The following ZNF679 variants were observed in gnomAD, a reference collection of about 807,000 sequenced individuals.
ZNF679 encodes the protein hypothetical protein MGC42415.
A neutral mutation model predicts 13.4 loss-of-function variants in ZNF679; 10 were observed. That is an observed-to-expected ratio of 0.75 (90% CI 0.46 to 1.27). The LOEUF is 1.27. Among genes scored for constraint, ZNF679 ranks in the 50% most tolerant of loss-of-function variants. The pLI is 0.00. For missense variants in ZNF679, 525 were observed against 477.8 expected, an observed-to-expected ratio of 1.10 and a Z score of -0.92; for synonymous variants, 179 against 162.5, an observed-to-expected ratio of 1.10 and a Z score of -0.77.
chr7:64,238,286 C>A (rs925478486), intron 1 of ZNF679, among the ~76,000 whole-genome samples: 1 of 152,112 alleles, frequency 6.6e-6, no homozygotes, highest in Admixed American at 6.5e-5. Context: ...CCCTCCTCTC[C>A]CACCTTCTTT....
intron 2 of ZNF679, among the ~76,000 whole-genome samples, chr7:64,258,070 G>A (rs1244263368): frequency 2.0e-5 from 3 of 152,258 alleles, no homozygotes; most frequent in South Asian, 4.1e-4. Flanking sequence ...GGTCAGTGCG[G>A]TTCGTGCTCC....
At chr7:64,260,021 A>G (rs540457905) in intron 2 of ZNF679, among the ~76,000 whole-genome samples, 200 bp from the exon 3 acceptor site, 2 of 152,312 alleles carry the variant, frequency 1.3e-5, no homozygotes, top group East Asian at 1.9e-4. Flanking sequence ...GAAAAGTATC[A>G]TATCTACAGT....
rs150296654 is a variant in ZNF679, at chr7:64,238,340, C to T, written c.-91+9688C>T. ...CCATATGAATGACAGCCCTTTTCAG[C>T]CTAACTTTGAGACGTATGTAGCTAT... On this transcript the variant is annotated intron_variant, in intron 1 of 4. Coordinates refer to ENST00000421025, the MANE Select transcript of ZNF679 (RefSeq NM_153363.3). Among the ~76,000 whole-genome samples, 632 of 152,232 alleles carry T rather than the reference C, an allele frequency of 4.2e-3. 7 individuals carry two copies. The highest frequency in any genetic ancestry group is 0.014 in the African/African-American group (592 of 41,520).
intron 4 of ZNF679, among the ~76,000 whole-genome samples, chr7:64,262,888 T>G (rs148758419): frequency 0.017 from 2,598 of 152,324 alleles, 46 homozygotes; most frequent in Middle Eastern, 0.041. Context: ...GTGGGTTATA[T>G]TGACATCTTA....
At chr7:64,264,594 G>A (rs1788120236) in intron 4 of ZNF679, among the ~76,000 whole-genome samples, 2 of 151,876 alleles carry the variant, frequency 1.3e-5, no homozygotes, top group African/African-American at 4.8e-5. Context: ...GTTTATTCTG[G>A]AAGATCTTTA....
chr7:64,266,807 T>C lies in ZNF679; in HGVS notation c.1174T>C (p.Ser392Pro), dbSNP rs772902246. The C allele has an allele frequency of 1.9e-6, 3 of 1,604,454 alleles. No individual in the cohort carries two copies. In the Admixed American group the frequency reaches 5.1e-5, roughly 27 times the overall value. The change falls in exon 5 of 5, where the codon TCC (serine) becomes CCC (proline). Residue 392 changes from serine (S) to proline (P), a missense_variant. Coordinates refer to ENST00000421025, the MANE Select transcript of ZNF679 (RefSeq NM_153363.3). ...AGAATGTGACAAAGCTTTTAAGTGG[T>C]CCTCAAGTCTTGCTAATCATAAGAG... ...CEECDKAFKW[S>P]SSLANHKSMH...
intron 3 of ZNF679, 56 bp downstream of exon 3, chr7:64,260,403 A>G (rs1788060225): frequency 1.3e-6 from 2 of 1,545,110 alleles, no homozygotes; most frequent in South Asian, 2.5e-5. Flanking sequence ...TCTTTTCTAA[A>G]ATGTTTTTTG....
chr7:64,262,275 T>G (rs1788087293), intron 4 of ZNF679, among the ~76,000 whole-genome samples: 1 of 152,240 alleles, frequency 6.6e-6, no homozygotes, highest in South Asian at 2.1e-4. Context: ...ACCCATTTCT[T>G]GGGTGGCACT....
At chr7:64,252,179 C>A (rs1452515337) in intron 2 of ZNF679, among the ~76,000 whole-genome samples, 1 of 152,124 alleles carries the variant, frequency 6.6e-6, no homozygotes, top group Non-Finnish European at 1.5e-5. Context: ...GCAGGATGCA[C>A]GTGGGAGACT....
At chr7:64,236,712 G>A (rs527778215) in intron 1 of ZNF679, among the ~76,000 whole-genome samples, 1 of 151,730 alleles carries the variant, frequency 6.6e-6, no homozygotes, top group South Asian at 2.1e-4. Context: ...AACTCAGGAG[G>A]CAGAGGTTGC....
At chr7:64,249,876 C>A (rs1787921776) in intron 2 of ZNF679, among the ~76,000 whole-genome samples, 1 of 152,100 alleles carries the variant, frequency 6.6e-6, no homozygotes, top group South Asian at 2.1e-4. Flanking sequence ...GAGTCTTGCT[C>A]TGTTGTCCTT....
rs976264402 is a variant in ZNF679 at position 64,266,713 on chromosome 7, C to T, written c.1080C>T (p.Ala360=). 1 of 1,612,564 alleles carries T rather than the reference C, an allele frequency of 6.2e-7. No homozygotes were observed. Among genetic ancestry groups the T allele is most frequent in the Non-Finnish European group, 8.5e-7 (1 of 1,179,386 alleles). ...ACAAATGTAAAGAATGTGGGAAAGC[C>T]TTTGCCTTCTCCTCAACTCTTAATA... The part of the protein sequence containing the change: ...KPYKCKECGK[A]FAFSSTLNTH... The change falls in exon 5 of 5, where the codon GCC becomes GCT. Residue 360 remains alanine (A), a synonymous_variant. Transcript: ENST00000421025.
chr7:64,232,303 T>C (rs973832307), intron 1 of ZNF679, among the ~76,000 whole-genome samples: 1 of 152,230 alleles, frequency 6.6e-6, no homozygotes, highest in Non-Finnish European at 1.5e-5. Context: ...TGTTACAACA[T>C]CTTTGTACCA....
At chr7:64,239,171 G>A (rs1457602130) in intron 1 of ZNF679, among the ~76,000 whole-genome samples, 1 of 152,116 alleles carries the variant, frequency 6.6e-6, no homozygotes, top group Admixed American at 6.5e-5. Context: ...CAAACCCAGG[G>A]GCAGTTAAGA....
chr7:64,232,468 G>A (rs1787652884), intron 1 of ZNF679, among the ~76,000 whole-genome samples: 1 of 152,180 alleles, frequency 6.6e-6, no homozygotes, highest in African/African-American at 2.4e-5. Context: ...CATCATGCCT[G>A]TGAGCTGGGC....
At position 64,266,660 on chromosome 7, in the gene ZNF679, A is replaced by C. The variant is rs1367859115; in HGVS notation, c.1027A>C (p.Lys343Gln). ...CTGCTCCTCAACCCTTAAGAAACAT[A>C]AGATAATTCATACTGGAGAGAAACC... Reference protein sequence around the residue: ...FNCSSTLKKHKIIHTGEKPYK... With the variant: ...FNCSSTLKKHQIIHTGEKPYK... The change falls in exon 5 of 5, where the codon AAG (lysine) becomes CAG (glutamine). Residue 343 changes from lysine to glutamine, a missense_variant. Transcript: ENST00000421025. 3 of 1,613,776 alleles carry C rather than the reference A, an allele frequency of 1.9e-6. No individual in the cohort carries two copies. Among genetic ancestry groups the C allele is most frequent in the Non-Finnish European group, 1.7e-6 (2 of 1,179,864 alleles).
intron 2 of ZNF679, among the ~76,000 whole-genome samples, chr7:64,258,594 A>T (rs1788035667): frequency 6.6e-6 from 1 of 151,288 alleles, no homozygotes; most frequent in South Asian, 2.1e-4. Context: ...TGAGCTACTG[A>T]GGAGGCTGAG....
Position 64,266,589 on chromosome 7 carries a change from C to T in ZNF679, c.956C>T (p.Thr319Ile). The part of the protein sequence containing the change: ...SSLTYHKRIH[T>I]GEKPYTCEEC... ...CTCACTTACCACAAGAGAATTCATA[C>T]TGGAGAGAAACCCTACACATGTGAA... Residue 319 changes from threonine to isoleucine, a missense_variant, in exon 5 of 5, where the codon ACT (threonine) becomes ATT (isoleucine). Coordinates refer to ENST00000421025, the MANE Select transcript of ZNF679 (RefSeq NM_153363.3). 1 of 1,604,944 alleles carries T rather than the reference C, an allele frequency of 6.2e-7. No homozygotes were observed. The highest frequency in any genetic ancestry group is 8.5e-7 in the Non-Finnish European group (1 of 1,172,028).
Position 64,266,232 on chromosome 7 carries a change from A to C in ZNF679, c.599A>C (p.His200Pro). The C allele has an allele frequency of 6.3e-7, 1 of 1,580,430 alleles. No individual in the cohort carries two copies. The change falls in exon 5 of 5, where the codon CAT becomes CCT. Residue 200 changes from histidine to proline, a missense_variant. His to Pro is a moderately conservative substitution (Grantham distance 77, BLOSUM62 -2). Coordinates refer to ENST00000421025, the MANE Select transcript of ZNF679 (RefSeq NM_153363.3). ...GKSFCMVSQL[H>P]QHQIIHTREN... is the part of the protein sequence containing the mutation. The stretch of plus-strand genomic sequence containing the variant: ...TCATTTTGCATGGTTTCACAACTAC[A>C]TCAACATCAGATAATTCATACTAGG...
Sources: allele counts gnomAD v4.1 joint callset (sites outside exome capture counted in the v4.1 genomes callset), GRCh38; gene constraint gnomAD v4.1.1; transcripts MANE v1.5; gene names NCBI Gene and HGNC (gene_info 2026-07-23, HGNC 2026-07-21).